ELAVL4: variants seen among roughly 807,000 people sequenced by gnomAD.
ELAVL4 encodes the protein ELAV-like protein 4.
Under a neutral mutation model 35.6 loss-of-function variants are expected in ELAVL4, and 1 was observed. The ratio of observed to expected loss-of-function variants is 0.03; its 90% confidence interval spans 0.01 to 0.13. The LOEUF (loss-of-function observed/expected upper bound fraction) is 0.13, where lower values mean the gene tolerates loss of function less well. Among genes scored for constraint, ELAVL4 ranks in the 10% least tolerant of loss-of-function variants. The pLI is 1.00. For synonymous variants in ELAVL4, 156 were observed against 171.0 expected, an observed-to-expected ratio of 0.91 and a Z score of 0.69; for missense variants, 267 against 464.9, an observed-to-expected ratio of 0.57 and a Z score of 3.91.
chr1:50,153,219 C>T (rs943932225), intron 2 of ELAVL4, among the ~76,000 whole-genome samples: 1 of 152,156 alleles, frequency 6.6e-6, no homozygotes, highest in African/African-American at 2.4e-5. Flanking sequence ...CTTACTTTTC[C>T]TTGGTCCTGG....
At chr1:50,111,131 TTG>T (rs1470779298) in intron 1 of ELAVL4, among the ~76,000 whole-genome samples, 1 of 151,770 alleles carries the variant, frequency 6.6e-6, no homozygotes, top group Non-Finnish European at 1.5e-5. Flanking sequence ...TCCCCTGTTT[TTG>T]TGTGTGTGTG....
At chr1:50,195,942 C>T (rs920044634) in intron 5 of ELAVL4, among the ~76,000 whole-genome samples, 156 bp downstream of exon 5, 1 of 152,208 alleles carries the variant, frequency 6.6e-6, no homozygotes, top group African/African-American at 2.4e-5. Context: ...GTTTCCATTC[C>T]TGTAAAATGA....
intron 1 of ELAVL4, among the ~76,000 whole-genome samples, chr1:50,056,948 C>T (rs941002830): frequency 6.7e-6 from 1 of 149,732 alleles, no homozygotes; most frequent in African/African-American, 2.4e-5. Flanking sequence ...AAAAAAAGCA[C>T]ACCTACTTAT....
chr1:50,189,012 G>T (rs1404635675), intron 3 of ELAVL4, among the ~76,000 whole-genome samples: 1 of 152,150 alleles, frequency 6.6e-6, no homozygotes, highest in African/African-American at 2.4e-5. Context: ...CCATCCCAGG[G>T]CCTGGCACAT....
intron 3 of ELAVL4, among the ~76,000 whole-genome samples, chr1:50,192,007 A>G (rs1426958290): frequency 6.6e-6 from 1 of 152,218 alleles, no homozygotes; most frequent in Admixed American, 6.5e-5. Flanking sequence ...CCCTTAAAGA[A>G]CAGGGGTGGG....
At chr1:50,070,891 T>C (rs1174181461) in intron 1 of ELAVL4, among the ~76,000 whole-genome samples, 1 of 152,222 alleles carries the variant, frequency 6.6e-6, no homozygotes, top group Non-Finnish European at 1.5e-5. Flanking sequence ...TCCAAATTCC[T>C]AACTGTGGCT....
intron 1 of ELAVL4, among the ~76,000 whole-genome samples, chr1:50,074,432 A>G (rs892410099): frequency 6.6e-6 from 1 of 152,182 alleles, no homozygotes; most frequent in Non-Finnish European, 1.5e-5. Flanking sequence ...AGCACCTTCT[A>G]TATGCCAGGT....
At chr1:50,063,665 T>C (rs764411090) in intron 1 of ELAVL4, among the ~76,000 whole-genome samples, 1 of 152,204 alleles carries the variant, frequency 6.6e-6, no homozygotes, top group African/African-American at 2.4e-5. Context: ...TGCTCCTCTC[T>C]TCCCAGTTCT....
chr1:50,113,538 A>G (rs1457442646), intron 1 of ELAVL4, among the ~76,000 whole-genome samples: 1 of 152,092 alleles, frequency 6.6e-6, no homozygotes, highest in African/African-American at 2.4e-5. Context: ...GACATTTAAT[A>G]TGTACATTTG....
chr1:50,109,489 A>G (rs1666694267), intron 1 of ELAVL4: 2 of 395,800 alleles, frequency 5.1e-6, no homozygotes. Flanking sequence ...AAGAGGTTAT[A>G]TTACTTGAGA....
At chr1:50,144,923 A>G in intron 1 of ELAVL4, 34 bp from the exon 2 acceptor site, 1 of 1,592,790 alleles carries the variant, frequency 6.3e-7, no homozygotes, top group South Asian at 1.2e-5. Context: ...TGAGATTTCA[A>G]AAGGCTTTTT....
intron 2 of ELAVL4, among the ~76,000 whole-genome samples, chr1:50,159,079 G>A (rs1676283996): frequency 6.6e-6 from 1 of 151,348 alleles, no homozygotes. Context: ...TCTGTGGCTT[G>A]GTCTTATTTT....
intron 1 of ELAVL4, among the ~76,000 whole-genome samples, chr1:50,116,637 C>T (rs1393710053): frequency 6.6e-6 from 1 of 151,914 alleles, no homozygotes; most frequent in Admixed American, 6.6e-5. Flanking sequence ...GTAGTAAATA[C>T]TGCTCTAATG....
intron 1 of ELAVL4, among the ~76,000 whole-genome samples, chr1:50,056,929 C>A (rs1486402256): frequency 8.9e-4 from 116 of 129,886 alleles, no homozygotes; most frequent in South Asian, 1.2e-3. Context: ...AAGACTGTAT[C>A]AAAAAAAAAA....
At chr1:50,086,166 G>A (rs1396794617) in intron 1 of ELAVL4, among the ~76,000 whole-genome samples, 7 of 151,882 alleles carry the variant, frequency 4.6e-5, no homozygotes, top group Non-Finnish European at 8.8e-5. Flanking sequence ...GTACATGTAG[G>A]CCATTCCGTC....
At chr1:50,179,338 C>T (rs1409125250) in intron 3 of ELAVL4, among the ~76,000 whole-genome samples, 4 of 152,020 alleles carry the variant, frequency 2.6e-5, no homozygotes, top group African/African-American at 9.7e-5. Context: ...GGACTTCAGC[C>T]CTTTCATTAA....
chr1:50,189,821 G>C (rs891851857), intron 3 of ELAVL4, among the ~76,000 whole-genome samples: 9 of 152,208 alleles, frequency 5.9e-5, no homozygotes, highest in African/African-American at 1.7e-4. Flanking sequence ...CTTTTTACGA[G>C]CAAAGATGTT....
intron 2 of ELAVL4, among the ~76,000 whole-genome samples, chr1:50,168,993 T>C (rs61784193): frequency 2.0e-5 from 3 of 149,808 alleles, no homozygotes; most frequent in Non-Finnish European, 4.4e-5. Flanking sequence ...TGTATATATA[T>C]ATATATAAAG....
intron 1 of ELAVL4, among the ~76,000 whole-genome samples, chr1:50,126,863 CT>C (rs1277386039): frequency 6.6e-6 from 1 of 152,056 alleles, no homozygotes; most frequent in Non-Finnish European, 1.5e-5. Flanking sequence ...TGTCAATGCA[CT>C]TTTTGTACAG....
Sources: allele counts gnomAD v4.1 joint callset (sites outside exome capture counted in the v4.1 genomes callset), GRCh38; gene constraint gnomAD v4.1.1; transcripts MANE v1.5; gene names NCBI Gene and HGNC (gene_info 2026-07-23, HGNC 2026-07-21).